RPRD2: variants seen among roughly 807,000 people sequenced by gnomAD.
RPRD2 encodes regulation of nuclear pre-mRNA domain containing 2, also known as regulation of nuclear pre-mRNA domain-containing protein 2.
RPRD2 carries 12 observed loss-of-function variants against 104.4 expected under a neutral mutation model. That is an observed-to-expected ratio of 0.11 (90% CI 0.07 to 0.19). The LOEUF is 0.19. RPRD2 is among the 10% of genes least tolerant of loss of function. RPRD2 has a pLI of 1.00. For missense variants in RPRD2, 1,543 were observed against 1,790.1 expected, an observed-to-expected ratio of 0.86 and a Z score of 2.49; for synonymous variants, 714 against 684.9, an observed-to-expected ratio of 1.04 and a Z score of -0.66.
At chr1:150,437,997 A>AC (rs1666127522) in intron 2 of RPRD2, among the ~76,000 whole-genome samples, 1 of 146,860 alleles carries the variant, frequency 6.8e-6, no homozygotes, top group Admixed American at 6.7e-5. Context: ...AAAAAAAAAA[A>AC]GTTGAGCCAG....
Position 150,429,749 on chromosome 1 carries a change from T to G in RPRD2, c.336-11174T>G, listed in dbSNP as rs587686535. ...GTTTTGAAGAAGTTCTGTAGTCTAG[T>G]TGAAGAAACAGTTGTTTGTATATAA... On this transcript the variant is annotated intron_variant, in intron 2 of 10. Transcript: ENST00000369068. Among the ~76,000 whole-genome samples the G allele has an allele frequency of 3.9e-5, 6 of 152,302 alleles. No homozygotes were observed. The South Asian group carries it at 1.2e-3, about 32-fold the overall frequency.
intron 7 of RPRD2, among the ~76,000 whole-genome samples, chr1:150,447,963 C>T (rs11577751): frequency 6.6e-6 from 1 of 152,044 alleles, no homozygotes; most frequent in Non-Finnish European, 1.5e-5. Flanking sequence ...TATACTCACC[C>T]GCCTTTCTCC....
At chr1:150,369,441 ATTTTTTTTTTTTTTTTTT>A (rs58054758) in intron 1 of RPRD2, among the ~76,000 whole-genome samples, 10,764 of 58,294 alleles carry the variant, frequency 0.18, 740 homozygotes, top group African/African-American at 0.27. Flanking sequence ...CACCTGGCTA[ATTTTTTTTTTTTTTTTTT>A]TTTTTTTTTT....
At chr1:150,445,604 G>A (rs1044370773) in intron 6 of RPRD2, among the ~76,000 whole-genome samples, 1 of 152,152 alleles carries the variant, frequency 6.6e-6, no homozygotes, top group Non-Finnish European at 1.5e-5. Flanking sequence ...GTAGCAGTGT[G>A]GAATCCAATT....
chr1:150,364,757 T>C lies in RPRD2; in HGVS notation c.43T>C (p.Ser15Pro). Residue 15 changes from serine to proline, a missense_variant, in exon 1 of 11, where the codon TCG becomes CCG. This residue lies in a region of RPRD2 where 88 missense variants were observed against 96.6 expected (regional missense o/e 0.91). Transcript: ENST00000369068. ...CGGAGGCAGCAGTAAGGCCTCCTCC[T>C]CGTCGGCCTCTTCGGCAGGGGCTCT... ...GGGGSSKASSSSASSAGALES... is the reference protein window; with the variant it reads ...GGGGSSKASSPSASSAGALES... The C allele has an allele frequency of 1.9e-6, 3 of 1,602,178 alleles. No individual in the cohort carries two copies. The highest frequency in any genetic ancestry group is 2.6e-6 in the Non-Finnish European group (3 of 1,174,232).
intron 2 of RPRD2, among the ~76,000 whole-genome samples, chr1:150,437,889 C>T (rs113274217): frequency 0.048 from 7,211 of 149,554 alleles, 432 homozygotes; most frequent in African/African-American, 0.13. Context: ...CTAAACTTTA[C>T]AATTTTCTAG....
At chr1:150,460,394 G>GTT (rs1667847372) in intron 9 of RPRD2, 77 bp downstream of exon 9, 38 of 1,081,992 alleles carry the variant, frequency 3.5e-5, no homozygotes, top group Non-Finnish European at 5.0e-5. Context: ...TTTTTGGGGG[G>GTT]GTTGTTGTTG....
chr1:150,432,553 G>A lies in RPRD2; in HGVS notation c.336-8370G>A, dbSNP rs75687013. Among the ~76,000 whole-genome samples, 1,073 of 149,716 alleles carry A rather than the reference G, an allele frequency of 7.2e-3. 11 individuals are homozygous for A. Among genetic ancestry groups the A allele is most frequent in the African/African-American group, 0.025 (1,018 of 40,740 alleles). ...GCACAACATTGTGAATGTAGTTACT[G>A]CCACTGAATTGTACATTTAATGGCT... is the stretch of plus-strand genomic sequence containing the variant. On this transcript the variant is annotated intron_variant, in intron 2 of 10. Transcript: ENST00000369068.
chr1:150,419,134 T>C (rs1418319316), intron 2 of RPRD2, among the ~76,000 whole-genome samples: 5 of 152,230 alleles, frequency 3.3e-5, no homozygotes, highest in Non-Finnish European at 5.9e-5. Flanking sequence ...TACAAACTTA[T>C]ATCTGATCTT....
At chr1:150,465,652 T>C (rs1553899751) in intron 10 of RPRD2, among the ~76,000 whole-genome samples, 2 of 152,304 alleles carry the variant, frequency 1.3e-5, no homozygotes, top group African/African-American at 2.4e-5. Context: ...ACCTACACCA[T>C]GACACCCTAG....
At chr1:150,409,612 G>T (rs1260411) in intron 1 of RPRD2, among the ~76,000 whole-genome samples, 4 of 149,906 alleles carry the variant, frequency 2.7e-5, no homozygotes, top group East Asian at 2.0e-4. Flanking sequence ...AGCAAAGAAG[G>T]GTGGTAAGAG....
At chr1:150,411,120 G>C (rs1663860646) in intron 1 of RPRD2, among the ~76,000 whole-genome samples, 1 of 152,112 alleles carries the variant, frequency 6.6e-6, no homozygotes, top group African/African-American at 2.4e-5. Context: ...GTTAATATCT[G>C]TATCCTCTTT....
At chr1:150,406,962 G>A (rs1457176919) in intron 1 of RPRD2, among the ~76,000 whole-genome samples, 2 of 152,104 alleles carry the variant, frequency 1.3e-5, no homozygotes, top group African/African-American at 2.4e-5. Flanking sequence ...TGATCCGCCC[G>A]CCTCGGCCTC....
chr1:150,457,167 T>C, intron 7 of RPRD2, 121 bp from the exon 8 acceptor site: 1 of 897,234 alleles, frequency 1.1e-6, no homozygotes, highest in East Asian at 2.6e-5. Flanking sequence ...GAGGTTGCAG[T>C]GAACCAAGAT....
At chr1:150,425,591 C>T (rs782444801) in intron 2 of RPRD2, among the ~76,000 whole-genome samples, 3 of 151,062 alleles carry the variant, frequency 2.0e-5, no homozygotes, top group Non-Finnish European at 2.9e-5. Context: ...TGCAATGTGC[C>T]GAGATTGCAT....
At chr1:150,464,389 A>C (rs1668131002) in intron 9 of RPRD2, 138 bp from the exon 10 acceptor site, 2 of 523,812 alleles carry the variant, frequency 3.8e-6, no homozygotes. Flanking sequence ...TGTACATGTC[A>C]TGTTATGATG....
chr1:150,461,934 C>G (rs898272784), intron 9 of RPRD2, among the ~76,000 whole-genome samples: 1 of 151,166 alleles, frequency 6.6e-6, no homozygotes, highest in Admixed American at 6.6e-5. Context: ...GAGCCAGGAT[C>G]GCGCCACTGC....
At chr1:150,429,211 A>G (rs938088820) in intron 2 of RPRD2, among the ~76,000 whole-genome samples, 8 of 151,542 alleles carry the variant, frequency 5.3e-5, no homozygotes, top group East Asian at 1.9e-4. Flanking sequence ...TCCTGCCTCA[A>G]TCTCCCAAGT....
intron 1 of RPRD2, among the ~76,000 whole-genome samples, chr1:150,395,514 T>TTC (rs1491326485): frequency 2.7e-5 from 1 of 37,716 alleles, no homozygotes; most frequent in Non-Finnish European, 1.1e-4. Flanking sequence ...TGCAAATATC[T>TTC]TTTTTTTTTT....
Sources: gnomAD v4.1 joint callset for allele counts (sites outside exome capture counted in the v4.1 genomes callset) on GRCh38, gnomAD v4.1.1 for gene constraint, gnomAD v4.1.1 regional missense constraint, MANE v1.5 for transcripts, NCBI Gene and HGNC (gene_info 2026-07-23, HGNC 2026-07-21) for gene names.